Variants in PDE12 observed in about 807,000 individuals in gnomAD.
PDE12 encodes the protein phosphodiesterase 12, also known as 2',5'-phosphodiesterase 12.
In PDE12, 26 loss-of-function variants were observed where a neutral mutation model predicts 45.4. The observed-to-expected ratio is 0.57, with a 90% CI of 0.42 to 0.79. The LOEUF (loss-of-function observed/expected upper bound fraction) is 0.79, where lower values mean the gene tolerates loss of function less well. Ranked by LOEUF, PDE12 falls within the 30% of genes least tolerant of loss-of-function variation. The pLI is 0.00. For missense variants in PDE12, 668 were observed against 790.0 expected, an observed-to-expected ratio of 0.85 and a Z score of 1.85; for synonymous variants, 283 against 323.9, an observed-to-expected ratio of 0.87 and a Z score of 1.36.
chr3:57,611,828 G>A, the PDE12 span, among the ~76,000 whole-genome samples: 11 of 152,162 alleles, frequency 7.2e-5, no homozygotes, highest in African/African-American at 1.9e-4. Context: ...ATAGTGTGGC[G>A]CTTTGTCAAG....
chr3:57,642,864 G>A, the PDE12 span, among the ~76,000 whole-genome samples: 2 of 152,060 alleles, frequency 1.3e-5, no homozygotes, highest in Admixed American at 1.3e-4. Flanking sequence ...AAATTAGCCA[G>A]GTGTGGTGGC....
chr3:57,579,329 C>A, the PDE12 span, among the ~76,000 whole-genome samples: 1 of 145,884 alleles, frequency 6.9e-6, no homozygotes, highest in African/African-American at 2.5e-5. Flanking sequence ...TTTTTTTCAC[C>A]CAGGCTGGAG....
the PDE12 span, among the ~76,000 whole-genome samples, chr3:57,614,544 GTTTTTTT>G: frequency 3.3e-5 from 4 of 121,320 alleles, no homozygotes; most frequent in African/African-American, 9.9e-5. Context: ...TTTGTTTTTT[GTTTTTTT>G]TTTTTTTTTT....
chr3:57,584,155 G>C, the PDE12 span: 1 of 700,950 alleles, frequency 1.4e-6, no homozygotes, highest in South Asian at 2.0e-5. Flanking sequence ...CAGAGACAAG[G>C]CCTCATTATG....
chr3:57,634,362 G>T, the PDE12 span, among the ~76,000 whole-genome samples: 1 of 150,908 alleles, frequency 6.6e-6, no homozygotes, highest in Non-Finnish European at 1.5e-5. Flanking sequence ...GAACCCGGGA[G>T]GTGGAGGTTG....
At chr3:57,617,110 A>G in the PDE12 span, among the ~76,000 whole-genome samples, 1 of 152,160 alleles carries the variant, frequency 6.6e-6, no homozygotes, top group African/African-American at 2.4e-5. Flanking sequence ...CAAAGATCAT[A>G]AAAAATATTC....
At chr3:57,591,756 C>T in the PDE12 span, among the ~76,000 whole-genome samples, 3 of 152,082 alleles carry the variant, frequency 2.0e-5, no homozygotes, top group Non-Finnish European at 4.4e-5. Context: ...TGAGCCACCG[C>T]GCCCGGCCAT....
At chr3:57,589,486 G>C in the PDE12 span, among the ~76,000 whole-genome samples, 2 of 152,108 alleles carry the variant, frequency 1.3e-5, no homozygotes, top group African/African-American at 2.4e-5. Flanking sequence ...TTGGGAGGCT[G>C]AAGTGGGTGG....
the PDE12 span, among the ~76,000 whole-genome samples, chr3:57,603,924 G>T: frequency 6.9e-6 from 1 of 143,932 alleles, no homozygotes; most frequent in East Asian, 2.1e-4. Flanking sequence ...ACCCAGCCCA[G>T]AATTTTTTTT....
chr3:57,593,173 T>A, the PDE12 span, among the ~76,000 whole-genome samples: 1 of 152,074 alleles, frequency 6.6e-6, no homozygotes, highest in African/African-American at 2.4e-5. Context: ...CACCTGTATG[T>A]GCCCCAGAGT....
At chr3:57,601,840 G>T in the PDE12 span, among the ~76,000 whole-genome samples, 2 of 147,022 alleles carry the variant, frequency 1.4e-5, no homozygotes, top group Non-Finnish European at 3.0e-5. Flanking sequence ...TGCCTCCTGG[G>T]TTCAGGTGAT....
At chr3:57,649,688 CA>C in the PDE12 span, among the ~76,000 whole-genome samples, 2,067 of 151,466 alleles carry the variant, frequency 0.014, 49 homozygotes, top group African/African-American at 0.048. Flanking sequence ...ATTTGTCCCC[CA>C]TGCTAATACT....
At chr3:57,624,722 C>T in the PDE12 span, among the ~76,000 whole-genome samples, 5 of 151,162 alleles carry the variant, frequency 3.3e-5, no homozygotes, top group African/African-American at 1.2e-4. Context: ...AGAGATCACA[C>T]CACTGCACTC....
chr3:57,568,332 G>C (rs1229217847), downstream of PDE12, among the ~76,000 whole-genome samples: 1 of 151,894 alleles, frequency 6.6e-6, no homozygotes, highest in African/African-American at 2.4e-5. Flanking sequence ...GCGTGGGCCT[G>C]TAGTCCCAGC....
At chr3:57,655,732 G>A in the PDE12 span, among the ~76,000 whole-genome samples, 1 of 152,226 alleles carries the variant, frequency 6.6e-6, no homozygotes, top group Non-Finnish European at 1.5e-5. Context: ...TTATGTATAT[G>A]CAAAAATCCC....
At chr3:57,580,284 G>C in the PDE12 span, among the ~76,000 whole-genome samples, 2,414 of 152,110 alleles carry the variant, frequency 0.016, 61 homozygotes, top group African/African-American at 0.055. Context: ...CAATCACAGA[G>C]ATATAAAAGA....
the PDE12 span, among the ~76,000 whole-genome samples, chr3:57,599,044 A>C: frequency 9.2e-5 from 14 of 152,322 alleles, no homozygotes; most frequent in South Asian, 4.1e-4. Context: ...TCTTGTAGAC[A>C]TGTGCCCAAG....
Position 57,565,882 on chromosome 3 carries a change from A to G in PDE12, c.*5878A>G, listed in dbSNP as rs1299957056. On this transcript the variant is annotated 3_prime_UTR_variant, in exon 3 of 3. Coordinates refer to ENST00000311180, the MANE Select transcript of PDE12 (RefSeq NM_177966.7). ...ATCCCCTGTGGAATAGTTTGGAGAA[A>G]TGGTACATCCAAAGATAAAATCAGT... The G allele has an allele frequency of 6.6e-6, 1 of 152,214 alleles. No homozygotes were observed. The highest frequency in any genetic ancestry group is 1.5e-5 in the Non-Finnish European group (1 of 68,036). The allele number at this position is 152,214 out of a possible 1,614,324, so 9.4% of individuals were successfully genotyped here. A position where few individuals can be genotyped will look rare whatever the true frequency, so the allele number is the denominator to read the frequency against.
the PDE12 span, chr3:57,628,325 G>A: frequency 1.9e-6 from 3 of 1,614,082 alleles, no homozygotes; most frequent in Non-Finnish European, 2.5e-6. Flanking sequence ...TCACAGGTAA[G>A]TGCTCTCGAT....
Sources: allele counts gnomAD v4.1 joint callset (sites outside exome capture counted in the v4.1 genomes callset), GRCh38; gene constraint gnomAD v4.1.1; transcripts MANE v1.5; gene names NCBI Gene and HGNC (gene_info 2026-07-23, HGNC 2026-07-21).